VWF: variants seen among roughly 807,000 people sequenced by gnomAD.
The protein encoded by VWF is Factor VIII related antigen.
Under a neutral mutation model 308.6 loss-of-function variants are expected in VWF, and 176 were observed. That is an observed-to-expected ratio of 0.57 (90% CI 0.50 to 0.65). The LOEUF is 0.65. Among genes scored for constraint, VWF ranks in the 30% least tolerant of loss-of-function variants. The pLI is 0.00. For missense variants in VWF, 3,146 were observed against 3,648.2 expected (o/e 0.86, Z 3.55); for synonymous variants, 1,385 against 1,443.4 (o/e 0.96, Z 0.92).
intron 33 of VWF, 43 bp from the exon 34 acceptor site, chr12:6,011,837 G>T: frequency 6.6e-7 from 1 of 1,508,156 alleles, no homozygotes; most frequent in Non-Finnish European, 9.2e-7. Context: ...ATAAGATGAG[G>T]TACTCCAACT....
At chr12:6,121,075 G>A (rs564894992) in intron 3 of VWF, 99 bp downstream of exon 3, 135 of 1,521,478 alleles carry the variant, frequency 8.9e-5, no homozygotes, top group Middle Eastern at 6.1e-4. Context: ...TGACCTTTCC[G>A]CTCAGACACT....
chr12:5,963,472 A>G lies in VWF; in HGVS notation c.7887+4014T>C, dbSNP rs117343203. Reference sequence around the variant, plus strand: ...AGAAGATATCACTTCACAATGGCTAAAATTGAAAAGCATGACAATACCAAG... The same window carrying G: ...AGAAGATATCACTTCACAATGGCTAGAATTGAAAAGCATGACAATACCAAG... On this transcript the variant is annotated intron_variant, in intron 47 of 51. Coordinates refer to ENST00000261405, the MANE Select transcript of VWF (RefSeq NM_000552.5). Among the ~76,000 whole-genome samples, 32 of 152,364 alleles carry G rather than the reference A, an allele frequency of 2.1e-4. No individual in the cohort carries two copies. In the East Asian group the frequency reaches 6.2e-3, roughly 29 times the overall value.
At chr12:5,969,791 A>G (rs1943449453) in intron 44 of VWF, among the ~76,000 whole-genome samples, 1 of 152,162 alleles carries the variant, frequency 6.6e-6, no homozygotes, top group Non-Finnish European at 1.5e-5. Context: ...GGAGACAGGG[A>G]GCTGGCAGAA....
rs533911944 is a variant in VWF, at chr12:6,096,776, CT to C, written c.533-1193del. 2.6e-4 allele frequency among the ~76,000 whole-genome samples: 39 copies of C among 152,292 alleles called. No individual in the cohort carries two copies. In the South Asian group the frequency reaches 7.9e-3, roughly 31 times the overall value. On this transcript the variant is annotated intron_variant, in intron 5 of 51. Coordinates refer to ENST00000261405, the MANE Select transcript of VWF (RefSeq NM_000552.5). ...GCCTAGTGCAAAGTAATTGCGTAATCTGTATTACAAAGGCAGTATGAGACTA... is the reference window on the plus strand; with the variant it reads ...GCCTAGTGCAAAGTAATTGCGTAATCGTATTACAAAGGCAGTATGAGACTA...
At chr12:5,968,043 T>C in intron 46 of VWF, 84 bp downstream of exon 46, 1 of 1,586,318 alleles carries the variant, frequency 6.3e-7, no homozygotes, top group Non-Finnish European at 8.6e-7. Flanking sequence ...ATTTCTGCTT[T>C]ACAATGACTT....
rs1945450743 is a variant in VWF, at chr12:6,123,249, G to A, written c.1-53C>T. On this transcript the variant is annotated intron_variant, in intron 1 of 51. Coordinates refer to ENST00000261405, the MANE Select transcript of VWF (RefSeq NM_000552.5). Reference sequence around the variant, plus strand: ...GTCATTGCTGCCCAGGTAGGCGGCTGCTGGTGTGGCGACTATCAGGGCATG... The same window carrying A: ...GTCATTGCTGCCCAGGTAGGCGGCTACTGGTGTGGCGACTATCAGGGCATG... 5 of 1,605,576 alleles carry A rather than the reference G, an allele frequency of 3.1e-6. No homozygotes were observed. In the South Asian group the frequency reaches 4.4e-5, roughly 14 times the overall value.
chr12:6,063,056 TG>T lies in VWF; in HGVS notation c.1433-3del. 6.2e-7 allele frequency: 1 copy of T among 1,612,818 alleles called. No homozygotes were observed. The highest frequency in any genetic ancestry group is 2.2e-5 in the East Asian group (1 of 44,866). On this transcript the variant is annotated splice_region_variant and splice_polypyrimidine_tract_variant and intron_variant, in intron 12 of 51. Coordinates refer to ENST00000261405, the MANE Select transcript of VWF (RefSeq NM_000552.5). This position sits in a 1 kb window ranked among gnomAD's most constrained non-coding sequence, Gnocchi z 4.9. ...CTGTATGCTGGATGCGGAGGTCACC[TG>T]GAACCCAGCAGGACAGGACTCAGGC...
intron 2 of VWF, among the ~76,000 whole-genome samples, chr12:6,122,392 C>T (rs1945441977): frequency 6.6e-6 from 1 of 152,164 alleles, no homozygotes; most frequent in African/African-American, 2.4e-5. Context: ...TGAACTCCTC[C>T]GGCGTCACAG....
intron 29 of VWF, 34 bp downstream of exon 29, chr12:6,016,720 G>A (rs371462345): frequency 1.7e-4 from 275 of 1,614,106 alleles, no homozygotes; most frequent in Non-Finnish European, 2.2e-4. Context: ...GAGCCTCTTC[G>A]TCACCTGCTG....
At chr12:5,965,892 T>C (rs1243495508) in intron 47 of VWF, among the ~76,000 whole-genome samples, 2 of 152,124 alleles carry the variant, frequency 1.3e-5, no homozygotes, top group East Asian at 3.8e-4. Context: ...GGAGGTGGCT[T>C]GCACTCCCCT....
intron 34 of VWF, among the ~76,000 whole-genome samples, chr12:6,003,265 A>G (rs1249237448): frequency 1.3e-5 from 2 of 152,210 alleles, no homozygotes; most frequent in African/African-American, 2.4e-5. Context: ...TAAAATTTAT[A>G]TACGTCTATG....
intron 5 of VWF, among the ~76,000 whole-genome samples, chr12:6,102,360 T>C (rs969470268): frequency 1.3e-5 from 2 of 152,106 alleles, no homozygotes; most frequent in Non-Finnish European, 2.9e-5. Flanking sequence ...GAGAATAGCT[T>C]GAACCTGGGA....
chr12:6,072,499 C>CACAACTATAGAATCCCCAGGG, intron 8 of VWF, 57 bp from the exon 9 acceptor site: 1 of 1,396,866 alleles, frequency 7.2e-7, no homozygotes, highest in Admixed American at 1.7e-5. Flanking sequence ...TCACTCATCC[C>CACAACTATAGAATCCCCAGGG]ACAACTATAG....
At chr12:5,968,543 C>T (rs186126786) in intron 45 of VWF, among the ~76,000 whole-genome samples, 250 of 152,284 alleles carry the variant, frequency 1.6e-3, no homozygotes, top group Non-Finnish European at 2.9e-3. Context: ...TGCCTGTAAT[C>T]CCAGCACTCT....
At position 5,987,902 on chromosome 12, in the gene VWF, G is replaced by T. The variant is rs1591844874; in HGVS notation, c.6799-2237C>A. Among the ~76,000 whole-genome samples the T allele has an allele frequency of 2.6e-5, 4 of 152,356 alleles. No individual in the cohort carries two copies. The East Asian group carries it at 7.7e-4, about 29-fold the overall frequency. ...GATGGAAATTCATTATCTTGGTTAT[G>T]TCAATGGTTTTATAGGTGTGTACAT... On this transcript the variant is annotated intron_variant, in intron 38 of 51. Transcript: ENST00000261405.
intron 34 of VWF, among the ~76,000 whole-genome samples, chr12:6,003,814 CTT>C (rs34433330): frequency 5.7e-5 from 7 of 122,818 alleles, no homozygotes; most frequent in African/African-American, 9.3e-5. Flanking sequence ...CTTTCTCTCT[CTT>C]TTTTTTTTTT....
Position 6,115,236 on chromosome 12 carries a change from G to A in VWF, c.221-4268C>T, listed in dbSNP as rs143440483. On this transcript the variant is annotated intron_variant, in intron 3 of 51. Coordinates refer to ENST00000261405, the MANE Select transcript of VWF (RefSeq NM_000552.5). ...ATATTTTTGTACAGATGGGGGTCTC[G>A]CTATGTTGCCCAGGCTGGCATCGAA... Among the ~76,000 whole-genome samples the A allele has an allele frequency of 1.0e-3, 155 of 151,792 alleles. No homozygotes were observed. In the South Asian group the frequency reaches 0.014, roughly 14 times the overall value.
intron 47 of VWF, among the ~76,000 whole-genome samples, chr12:5,960,235 A>G (rs1271073672): frequency 3.3e-5 from 5 of 151,874 alleles, no homozygotes; most frequent in African/African-American, 1.2e-4. Flanking sequence ...AATGTTATAA[A>G]CAACTTTGTG....
At chr12:6,101,273 C>T (rs2136507780) in intron 5 of VWF, among the ~76,000 whole-genome samples, 1 of 152,152 alleles carries the variant, frequency 6.6e-6, no homozygotes, top group East Asian at 1.9e-4. Flanking sequence ...TGGTTTCCAT[C>T]GTGTAAATAC....
Sources: allele counts gnomAD v4.1 joint callset (sites outside exome capture counted in the v4.1 genomes callset), GRCh38; gene constraint gnomAD v4.1.1; non-coding constraint Gnocchi (gnomAD v3.1); transcripts MANE v1.5; gene names NCBI Gene and HGNC (gene_info 2026-07-23, HGNC 2026-07-21).